PDE8A: variants seen among roughly 807,000 people sequenced by gnomAD.
PDE8A encodes the protein high affinity cAMP-specific and IBMX-insensitive 3',5'-cyclic phosphodiesterase 8A.
A neutral mutation model predicts 105.0 loss-of-function variants in PDE8A; 59 were observed. That is an observed-to-expected ratio of 0.56 (90% CI 0.46 to 0.70). PDE8A has a LOEUF of 0.70. PDE8A is among the 30% of genes least tolerant of loss of function. The pLI, the probability that PDE8A is intolerant of heterozygous loss-of-function variation, is 0.00. For synonymous variants in PDE8A, 355 were observed against 371.9 expected (o/e 0.95, Z 0.52); for missense variants, 1,014 against 1,045.9 (o/e 0.97, Z 0.42).
At chr15:85,068,751 C>G (rs1174809058) in intron 3 of PDE8A, among the ~76,000 whole-genome samples, 4 of 152,098 alleles carry the variant, frequency 2.6e-5, no homozygotes, top group African/African-American at 7.2e-5. Flanking sequence ...CTTTCCTAGT[C>G]TTGTCCAGGC....
At chr15:85,035,537 T>C (rs1377234318) in intron 1 of PDE8A, among the ~76,000 whole-genome samples, 2 of 152,048 alleles carry the variant, frequency 1.3e-5, no homozygotes, top group African/African-American at 4.8e-5. Context: ...AGTGATTTTC[T>C]TTTTCCACTC....
chr15:85,108,341 C>G (rs1314698010), intron 11 of PDE8A, among the ~76,000 whole-genome samples: 1 of 152,088 alleles, frequency 6.6e-6, no homozygotes, highest in Non-Finnish European at 1.5e-5. Context: ...CAGCGCCCAC[C>G]CTGCTATGCA....
At chr15:85,021,430 C>A (rs1480209661) in intron 1 of PDE8A, among the ~76,000 whole-genome samples, 2 of 152,016 alleles carry the variant, frequency 1.3e-5, no homozygotes, top group Admixed American at 1.3e-4. Flanking sequence ...GTAGTCCTAG[C>A]TACTGGGGTT....
intron 3 of PDE8A, among the ~76,000 whole-genome samples, chr15:85,072,386 T>C (rs1034680154): frequency 1.3e-5 from 2 of 152,208 alleles, no homozygotes; most frequent in African/African-American, 4.8e-5. Flanking sequence ...TTGCCCCCAG[T>C]ATCCATTTCT....
At chr15:85,026,504 C>T (rs1354071472) in intron 1 of PDE8A, among the ~76,000 whole-genome samples, 1 of 152,160 alleles carries the variant, frequency 6.6e-6, no homozygotes, top group African/African-American at 2.4e-5. Context: ...ATTTGATAAC[C>T]TTGCCTCTGA....
intron 2 of PDE8A, among the ~76,000 whole-genome samples, chr15:85,064,897 G>A (rs1415224262): frequency 6.6e-6 from 1 of 151,934 alleles, no homozygotes; most frequent in Non-Finnish European, 1.5e-5. Flanking sequence ...ACCTGAGCCC[G>A]GGAGGTCAAG....
intron 1 of PDE8A, among the ~76,000 whole-genome samples, chr15:85,039,356 G>T (rs1338786113): frequency 6.6e-6 from 1 of 151,972 alleles, no homozygotes; most frequent in African/African-American, 2.4e-5. Context: ...TTGAGCCCGG[G>T]AGGTTGAGAC....
intron 1 of PDE8A, among the ~76,000 whole-genome samples, chr15:84,993,364 A>G (rs2079920697): frequency 6.8e-6 from 1 of 147,868 alleles, no homozygotes; most frequent in South Asian, 2.1e-4. Context: ...AATGGCATGA[A>G]CCCAGGAGGC....
intron 1 of PDE8A, among the ~76,000 whole-genome samples, chr15:85,041,284 A>G (rs1371839664): frequency 6.6e-6 from 1 of 152,262 alleles, no homozygotes; most frequent in Non-Finnish European, 1.5e-5. Flanking sequence ...GTAGTAGTCT[A>G]GTCTGGTAGG....
intron 1 of PDE8A, among the ~76,000 whole-genome samples, chr15:85,059,005 A>T (rs2081104500): frequency 6.6e-6 from 1 of 151,948 alleles, no homozygotes; most frequent in African/African-American, 2.4e-5. Context: ...CTTATTTTCT[A>T]GTGTATTTAT....
At position 85,100,049 on chromosome 15, in the gene PDE8A, T is replaced by C; in HGVS notation, c.976T>C (p.Cys326Arg). Residue 326 changes from cysteine (C) to arginine (R), a missense_variant, in exon 10 of 22, where the codon TGC becomes CGC. Transcript: ENST00000394553. ...ACACTATGTGTCCATTATCAGAGTG[T>C]GCAATGGCAACAATAAGGTACGTAA... Reference protein sequence around the residue: ...IRHYVSIIRVCNGNNKAEKIS... With the variant: ...IRHYVSIIRVRNGNNKAEKIS... 1 of 1,613,714 alleles carries C rather than the reference T, an allele frequency of 6.2e-7. No homozygotes were observed. Among genetic ancestry groups the C allele is most frequent in the Non-Finnish European group, 8.5e-7 (1 of 1,179,770 alleles).
chr15:85,033,327 G>A (rs1389626266), intron 1 of PDE8A, among the ~76,000 whole-genome samples: 1 of 152,178 alleles, frequency 6.6e-6, no homozygotes, highest in Non-Finnish European at 1.5e-5. Context: ...AGAAGAGGCT[G>A]GATTGAATGA....
At chr15:85,071,211 A>C (rs560015645) in intron 3 of PDE8A, among the ~76,000 whole-genome samples, 1 of 152,316 alleles carries the variant, frequency 6.6e-6, no homozygotes, top group East Asian at 1.9e-4. Flanking sequence ...GTGGCCATAA[A>C]GGAAGGCAGT....
rs368632276 is a variant in PDE8A, at chr15:85,082,648, TATAG to T, written c.547-903_547-900del. Among the ~76,000 whole-genome samples, 865 of 152,296 alleles carry T rather than the reference TATAG, an allele frequency of 5.7e-3. 5 individuals are homozygous for T. Among genetic ancestry groups the T allele is most frequent in the African/African-American group, 0.018 (757 of 41,560 alleles). On this transcript the variant is annotated intron_variant, in intron 5 of 21. Coordinates refer to ENST00000394553, the MANE Select transcript of PDE8A (RefSeq NM_002605.3). ...GTCCCAGATTGGTCTGGCTGGGGCT[TATAG>T]ATAGTGATATGCAGAGGCTCTGCCT... is the stretch of plus-strand genomic sequence containing the variant.
At chr15:85,055,490 G>A (rs1183449533) in intron 1 of PDE8A, among the ~76,000 whole-genome samples, 1 of 152,114 alleles carries the variant, frequency 6.6e-6, no homozygotes, top group Admixed American at 6.5e-5. Flanking sequence ...GAATCTGGGT[G>A]CTCCTGTATT....
rs964628782 is a variant in PDE8A at position 85,115,679 on chromosome 15, C to G, written c.1399+192C>G. 25 of 544,582 alleles carry G rather than the reference C, an allele frequency of 4.6e-5. No individual in the cohort carries two copies. The South Asian group carries it at 5.6e-4, about 12-fold the overall frequency. The allele number at this position is 544,582 out of a possible 1,614,324, so 33.7% of individuals were successfully genotyped here. A position where few individuals can be genotyped will look rare whatever the true frequency, so the allele number is the denominator to read the frequency against. On this transcript the variant is annotated intron_variant, in intron 15 of 21. Coordinates refer to ENST00000394553, the MANE Select transcript of PDE8A (RefSeq NM_002605.3). ...TTAATCCTGGCCGGGAGCGGTGGCTCACACCGCCGAGATGGGCAGATCACA... is the reference window on the plus strand; with the variant it reads ...TTAATCCTGGCCGGGAGCGGTGGCTGACACCGCCGAGATGGGCAGATCACA...
intron 9 of PDE8A, 129 bp from the exon 10 acceptor site, chr15:85,099,886 A>G: frequency 1.4e-6 from 1 of 714,482 alleles, no homozygotes; most frequent in East Asian, 2.5e-5. Context: ...GGTCACAGTG[A>G]GAAGAAATGT....
intron 1 of PDE8A, among the ~76,000 whole-genome samples, chr15:85,018,547 C>CT (rs1267051676): frequency 3.3e-5 from 5 of 151,922 alleles, no homozygotes; most frequent in South Asian, 2.1e-4. Flanking sequence ...CTCACATCAT[C>CT]TTTTTTTTAG....
upstream of PDE8A, among the ~76,000 whole-genome samples, chr15:84,981,267 C>CGGCGTCCGGAGGAGGTGGCG (rs2079702775): frequency 6.6e-6 from 1 of 152,176 alleles, no homozygotes; most frequent in Non-Finnish European, 1.5e-5. Flanking sequence ...CAGTTGCGGG[C>CGGCGTCCGGAGGAGGTGGCG]GGCGTCCGGA....
Sources: allele counts gnomAD v4.1 joint callset (sites outside exome capture counted in the v4.1 genomes callset), GRCh38; gene constraint gnomAD v4.1.1; transcripts MANE v1.5; gene names NCBI Gene and HGNC (gene_info 2026-07-23, HGNC 2026-07-21).